Variants in CTNNA3 observed in about 807,000 individuals in gnomAD.
The protein encoded by CTNNA3 is catenin alpha 3.
Under a neutral mutation model 95.7 loss-of-function variants are expected in CTNNA3, and 76 were observed. The observed-to-expected ratio is 0.79, with a 90% CI of 0.66 to 0.96. CTNNA3 has a LOEUF of 0.96. Ranked by LOEUF, CTNNA3 falls within the 40% of genes least tolerant of loss-of-function variation. The pLI is 0.00. For missense variants in CTNNA3, 1,191 were observed against 1,089.8 expected (o/e 1.09, Z -1.31); for synonymous variants, 431 against 374.4 (o/e 1.15, Z -1.74).
rs140942664 is a variant in CTNNA3 at position 67,133,430 on chromosome 10, A to T, written c.1047+46887T>A. Among the ~76,000 whole-genome samples, 179 of 150,626 alleles carry T rather than the reference A, an allele frequency of 1.2e-3. 1 individual carries two copies. The highest frequency in any genetic ancestry group is 4.2e-3 in the African/African-American group (172 of 41,026). ...TGGTAGATATATATATAGCAACAAT[A>T]GTAGAGAAACACAGAAGGTAAATGG... On this transcript the variant is annotated intron_variant, in intron 7 of 17. Coordinates refer to ENST00000433211, the MANE Select transcript of CTNNA3 (RefSeq NM_013266.4).
chr10:67,319,079 T>C (rs1345425108), intron 5 of CTNNA3, among the ~76,000 whole-genome samples: 3 of 152,212 alleles, frequency 2.0e-5, no homozygotes, highest in Non-Finnish European at 4.4e-5. Context: ...TGGTATGTGC[T>C]AGGCAGAGGG....
At chr10:67,523,180 G>A (rs1840035757) in intron 4 of CTNNA3, among the ~76,000 whole-genome samples, 1 of 152,174 alleles carries the variant, frequency 6.6e-6, no homozygotes, top group South Asian at 2.1e-4. Context: ...ACAGTGCTAA[G>A]CTTCCATGAC....
intron 7 of CTNNA3, among the ~76,000 whole-genome samples, chr10:66,851,989 G>A (rs1589333299): frequency 6.6e-6 from 1 of 152,098 alleles, no homozygotes; most frequent in East Asian, 1.9e-4. Context: ...ACAATGGGAT[G>A]AAGTATGGCT....
intron 12 of CTNNA3, among the ~76,000 whole-genome samples, chr10:66,312,445 T>C (rs1251632013): frequency 5.9e-5 from 9 of 151,932 alleles, no homozygotes; most frequent in Admixed American, 5.9e-4. Context: ...TATGTGTGTG[T>C]TGTGTTGTGT....
chr10:67,279,464 G>A (rs79871256), intron 5 of CTNNA3, among the ~76,000 whole-genome samples: 3,738 of 151,772 alleles, frequency 0.025, 149 homozygotes, highest in African/African-American at 0.085. Context: ...TATGTAAAGG[G>A]GGAAAGCGGG....
At position 65,917,617 on chromosome 10, in the gene CTNNA3, T is replaced by C. The variant is rs1445698549; in HGVS notation, c.*2713A>G. On this transcript the variant is annotated 3_prime_UTR_variant, in exon 18 of 18. Coordinates refer to ENST00000433211, the MANE Select transcript of CTNNA3 (RefSeq NM_013266.4). Reference sequence around the variant, plus strand: ...TGTAAATTAACACAAATTGATTTCGTTAAAAAGAAAGGTGAGTTCTTATTA... The same window carrying C: ...TGTAAATTAACACAAATTGATTTCGCTAAAAAGAAAGGTGAGTTCTTATTA... 1 of 152,176 alleles carries C rather than the reference T, an allele frequency of 6.6e-6. No individual in the cohort carries two copies. The allele number at this position is 152,176 out of a possible 1,614,324, so 9.4% of individuals were successfully genotyped here. A position where few individuals can be genotyped will look rare whatever the true frequency, so the allele number is the denominator to read the frequency against.
At chr10:67,121,482 A>G (rs1733753247) in intron 7 of CTNNA3, among the ~76,000 whole-genome samples, 2 of 152,040 alleles carry the variant, frequency 1.3e-5, no homozygotes, top group African/African-American at 4.8e-5. Context: ...TACCTCCTCC[A>G]TAGACCATGT....
At chr10:67,608,877 G>A (rs1205871972) in intron 2 of CTNNA3, among the ~76,000 whole-genome samples, 1 of 151,980 alleles carries the variant, frequency 6.6e-6, no homozygotes, top group Non-Finnish European at 1.5e-5. Context: ...GATCACCTGA[G>A]GTCGGGAGTT....
chr10:66,088,894 GT>G (rs1220722212), intron 14 of CTNNA3, among the ~76,000 whole-genome samples: 1 of 152,074 alleles, frequency 6.6e-6, no homozygotes, highest in Non-Finnish European at 1.5e-5. Context: ...CCTATGCCCA[GT>G]TTTCTGTTGG....
At chr10:67,760,003 T>A (rs139267733) in intron 1 of CTNNA3, among the ~76,000 whole-genome samples, 2 of 152,220 alleles carry the variant, frequency 1.3e-5, no homozygotes, top group African/African-American at 4.8e-5. Flanking sequence ...TATGAGGTAA[T>A]AAATTTGTGT....
At chr10:67,029,793 A>G (rs932758482) in intron 7 of CTNNA3, among the ~76,000 whole-genome samples, 7 of 152,316 alleles carry the variant, frequency 4.6e-5, no homozygotes, top group Admixed American at 4.6e-4. Context: ...GTAGCCACTA[A>G]CCTCATGTAC....
At chr10:66,825,845 A>G (rs1842488170) in intron 7 of CTNNA3, among the ~76,000 whole-genome samples, 1 of 152,158 alleles carries the variant, frequency 6.6e-6, no homozygotes. Context: ...CTCCCAAATC[A>G]TTCTGCCTGT....
intron 5 of CTNNA3, among the ~76,000 whole-genome samples, chr10:67,466,583 A>G (rs1353263274): frequency 6.6e-6 from 1 of 152,224 alleles, no homozygotes; most frequent in African/African-American, 2.4e-5. Context: ...TGTGTGAACA[A>G]AGCCAAAGAA....
intron 5 of CTNNA3, among the ~76,000 whole-genome samples, chr10:67,511,328 G>A (rs1223608505): frequency 2.0e-5 from 3 of 152,128 alleles, no homozygotes; most frequent in Non-Finnish European, 4.4e-5. Context: ...TATTGGCTGT[G>A]GGTTTGTCAT....
chr10:66,000,269 C>T lies in CTNNA3; in HGVS notation c.2160-11472G>A, dbSNP rs544751192. Reference sequence around the variant, plus strand: ...CACTGCCTCATCCTTGACTCTCTTTCCTATCCCTGACCTCATCTCATTTCT... The same window carrying T: ...CACTGCCTCATCCTTGACTCTCTTTTCTATCCCTGACCTCATCTCATTTCT... On this transcript the variant is annotated intron_variant, in intron 15 of 17. Transcript: ENST00000433211. Among the ~76,000 whole-genome samples the T allele has an allele frequency of 8.0e-4, 121 of 152,096 alleles. 8 individuals are homozygous for T. Among genetic ancestry groups the T allele is most frequent in the Admixed American group, 8.5e-4 (13 of 15,250 alleles).
intron 7 of CTNNA3, among the ~76,000 whole-genome samples, chr10:66,859,042 G>A (rs983880895): frequency 6.6e-6 from 1 of 151,914 alleles, no homozygotes; most frequent in Non-Finnish European, 1.5e-5. Context: ...ATTTTGTGGG[G>A]TGATGCATCA....
chr10:66,827,223 T>C (rs1205776814), intron 7 of CTNNA3, among the ~76,000 whole-genome samples: 1 of 152,156 alleles, frequency 6.6e-6, no homozygotes, highest in African/African-American at 2.4e-5. Context: ...TTGTGTTCTT[T>C]TGCAATTTTT....
chr10:67,151,528 T>A (rs77701880), intron 7 of CTNNA3, among the ~76,000 whole-genome samples: 1 of 152,180 alleles, frequency 6.6e-6, no homozygotes, highest in Non-Finnish European at 1.5e-5. Flanking sequence ...ATCTCCCTCA[T>A]ATGACCTCAG....
chr10:66,917,530 G>C (rs578052365), intron 7 of CTNNA3, among the ~76,000 whole-genome samples: 10 of 152,288 alleles, frequency 6.6e-5, no homozygotes, highest in African/African-American at 2.2e-4. Context: ...ATATCTTTCA[G>C]ATCTGGGCCC....
Sources: allele counts gnomAD v4.1 joint callset (sites outside exome capture counted in the v4.1 genomes callset), GRCh38; gene constraint gnomAD v4.1.1; transcripts MANE v1.5; gene names NCBI Gene and HGNC (gene_info 2026-07-23, HGNC 2026-07-21).